Variants in TFDP2 observed in about 807,000 individuals in gnomAD.
TFDP2 encodes the protein transcription factor Dp-2, also known as transcription factor Dp-2 (E2F dimerization partner 2).
Under a neutral mutation model 59.3 loss-of-function variants are expected in TFDP2, and 17 were observed. The observed-to-expected ratio is 0.29, with a 90% CI of 0.20 to 0.43. The LOEUF (loss-of-function observed/expected upper bound fraction) is 0.43. TFDP2 is among the 20% of genes least tolerant of loss of function. The pLI, the probability that TFDP2 is intolerant of heterozygous loss-of-function variation, is 1.00. For synonymous variants in TFDP2, 180 were observed against 194.7 expected (o/e 0.92, Z 0.63); for missense variants, 391 against 528.8 (o/e 0.74, Z 2.56).
chr3:142,033,115 A>T (rs775875981), intron 3 of TFDP2, among the ~76,000 whole-genome samples: 8 of 152,160 alleles, frequency 5.3e-5, no homozygotes, highest in Non-Finnish European at 1.0e-4. Flanking sequence ...GAATCACTTG[A>T]ACCCAGGAGG....
In TFDP2 at chr3:142,040,505, G is replaced by A. The variant is rs1946909416; in HGVS notation, c.83-34961C>T. Reference sequence around the variant, plus strand: ...TGCAATAGCACAATCTCAGCTCACCGCAACCTCTGCCTCCTGGGTTCAAGC... The same window carrying A: ...TGCAATAGCACAATCTCAGCTCACCACAACCTCTGCCTCCTGGGTTCAAGC... On this transcript the variant is annotated intron_variant, in intron 3 of 12. Coordinates refer to ENST00000489671, the MANE Select transcript of TFDP2 (RefSeq NM_001178139.2). 2.0e-5 allele frequency among the ~76,000 whole-genome samples: 3 copies of A among 151,678 alleles called. No individual in the cohort carries two copies. In the South Asian group the frequency reaches 6.2e-4, roughly 32 times the overall value.
At chr3:142,087,946 C>T (rs983013857) in intron 3 of TFDP2, among the ~76,000 whole-genome samples, 3 of 152,182 alleles carry the variant, frequency 2.0e-5, no homozygotes, top group African/African-American at 7.2e-5. Context: ...TCTTCTCTGA[C>T]CCACCCCATC....
intron 3 of TFDP2, among the ~76,000 whole-genome samples, chr3:142,052,317 C>T (rs970895156): frequency 6.6e-6 from 1 of 151,888 alleles, no homozygotes; most frequent in Non-Finnish European, 1.5e-5. Context: ...GCGGGCAGAT[C>T]ACAAGGTCAG....
intron 1 of TFDP2, among the ~76,000 whole-genome samples, chr3:142,144,685 G>T (rs1299502528): frequency 1.3e-5 from 2 of 151,956 alleles, no homozygotes; most frequent in African/African-American, 4.8e-5. Context: ...GGGACTATAG[G>T]CACATGCCAC....
At chr3:141,971,082 A>T (rs950141856) in intron 8 of TFDP2, among the ~76,000 whole-genome samples, 1 of 151,610 alleles carries the variant, frequency 6.6e-6, no homozygotes, top group Non-Finnish European at 1.5e-5. Flanking sequence ...AAAAAGAAAC[A>T]TGCTTATTGG....
intron 1 of TFDP2, among the ~76,000 whole-genome samples, chr3:142,144,537 C>CTATT (rs768072917): frequency 3.6e-4 from 55 of 152,018 alleles, no homozygotes; most frequent in African/African-American, 6.7e-4. Context: ...TTATTTATTC[C>CTATT]TATTTATTTA....
At chr3:142,080,342 T>C (rs2060593485) in intron 3 of TFDP2, among the ~76,000 whole-genome samples, 2 of 151,796 alleles carry the variant, frequency 1.3e-5, no homozygotes, top group Admixed American at 6.6e-5. Context: ...CAACATACAA[T>C]GGATACTCAA....
chr3:142,102,548 A>G (rs186762933), intron 1 of TFDP2, among the ~76,000 whole-genome samples: 1 of 152,348 alleles, frequency 6.6e-6, no homozygotes, highest in East Asian at 1.9e-4. Context: ...TAATAAGAAA[A>G]GAATAATTAA....
intron 3 of TFDP2, among the ~76,000 whole-genome samples, chr3:142,067,406 A>G: frequency 6.7e-6 from 1 of 149,842 alleles, no homozygotes; most frequent in Non-Finnish European, 1.5e-5. Context: ...TATAAATCCA[A>G]TAAATATATA....
At chr3:142,008,741 T>TAC (rs944275009) in intron 3 of TFDP2, among the ~76,000 whole-genome samples, 13 of 151,762 alleles carry the variant, frequency 8.6e-5, no homozygotes, top group East Asian at 1.9e-4. Context: ...TATATATATA[T>TAC]ACACACACAT....
At chr3:142,073,457 A>ACCCC (rs34003718) in intron 3 of TFDP2, among the ~76,000 whole-genome samples, 2 of 14,068 alleles carry the variant, frequency 1.4e-4, no homozygotes, top group Non-Finnish European at 2.8e-4. Flanking sequence ...CAAACAAACA[A>ACCCC]CCCCCCCCCC....
intron 3 of TFDP2, chr3:142,090,925 T>C (rs976142190): frequency 2.6e-5 from 4 of 152,232 alleles, no homozygotes; most frequent in African/African-American, 9.6e-5. Flanking sequence ...TTTTCAAGGT[T>C]GCTGCATCAT....
chr3:141,993,290 T>A (rs1189469951), intron 6 of TFDP2, among the ~76,000 whole-genome samples: 1 of 152,064 alleles, frequency 6.6e-6, no homozygotes, highest in Non-Finnish European at 1.5e-5. Flanking sequence ...ATTTACCAGA[T>A]GGAAAGAGAG....
rs553052614 is a variant in TFDP2 at position 142,088,930 on chromosome 3, C to T, written c.82+4131G>A. Among the ~76,000 whole-genome samples the T allele has an allele frequency of 4.0e-5, 6 of 151,850 alleles. 1 individual carries two copies. The highest frequency in any genetic ancestry group is 1.4e-4 in the African/African-American group (6 of 41,402). On this transcript the variant is annotated intron_variant, in intron 3 of 12. Transcript: ENST00000489671. ...ACAACCTCTGCCTCCCTGGTTCAAGCGATTCTCCTGCCTCAGCCTCCCAAG... is the reference window on the plus strand; with the variant it reads ...ACAACCTCTGCCTCCCTGGTTCAAGTGATTCTCCTGCCTCAGCCTCCCAAG...
chr3:142,030,741 C>CTTTTT (rs56836983), intron 3 of TFDP2, among the ~76,000 whole-genome samples: 2 of 121,792 alleles, frequency 1.6e-5, no homozygotes, highest in Admixed American at 9.2e-5. Context: ...CCCGTGTTCT[C>CTTTTT]TTTTTTTTTT....
intron 1 of TFDP2, among the ~76,000 whole-genome samples, chr3:142,135,117 T>C (rs2062674419): frequency 6.6e-6 from 1 of 152,086 alleles, no homozygotes; most frequent in African/African-American, 2.4e-5. Flanking sequence ...TTTGAAGATA[T>C]GGGGTCTTAC....
chr3:141,952,853 C>T (rs1221151822), intron 12 of TFDP2, 58 bp downstream of exon 12: 6 of 1,577,730 alleles, frequency 3.8e-6, no homozygotes, highest in East Asian at 4.5e-5. Context: ...CGGCTCACCC[C>T]TACACAGACA....
At chr3:142,013,924 G>A (rs1944919232) in intron 3 of TFDP2, among the ~76,000 whole-genome samples, 1 of 151,710 alleles carries the variant, frequency 6.6e-6, no homozygotes, top group African/African-American at 2.4e-5. Flanking sequence ...CAGACTTTCT[G>A]AAAAAAATTT....
At chr3:142,098,791 A>T (rs1409205238) in intron 2 of TFDP2, among the ~76,000 whole-genome samples, 2 of 152,164 alleles carry the variant, frequency 1.3e-5, no homozygotes, top group African/African-American at 4.8e-5. Flanking sequence ...TTATGAGGCC[A>T]ATGCAAGCCA....
Sources: allele counts gnomAD v4.1 joint callset (sites outside exome capture counted in the v4.1 genomes callset), GRCh38; gene constraint gnomAD v4.1.1; transcripts MANE v1.5; gene names NCBI Gene and HGNC (gene_info 2026-07-23, HGNC 2026-07-21).